The following NTF3 variants were observed in gnomAD, a reference collection of about 807,000 sequenced individuals.
The protein encoded by NTF3 is neurotrophin 3, also known as neurotrophin-3.
A neutral mutation model predicts 26.3 loss-of-function variants in NTF3; 8 were observed. The ratio of observed to expected loss-of-function variants is 0.30; its 90% CI spans 0.18 to 0.55. The LOEUF (loss-of-function observed/expected upper bound fraction) is 0.55. Ranked by LOEUF, NTF3 falls within the 20% of genes least tolerant of loss-of-function variation. The pLI is 0.93. For synonymous variants in NTF3, 154 were observed against 145.5 expected (o/e 1.06, Z -0.42); for missense variants, 276 against 352.9 (o/e 0.78, Z 1.75).
chr12:5,481,073 G>C (rs1591605127), intron 1 of NTF3, among the ~76,000 whole-genome samples: 1 of 152,016 alleles, frequency 6.6e-6, no homozygotes, highest in African/African-American at 2.4e-5. Flanking sequence ...GAGCTGGCTC[G>C]CTGCTCTGTG....
At chr12:5,486,103 T>A (rs1482407162) in intron 1 of NTF3, among the ~76,000 whole-genome samples, 1 of 152,134 alleles carries the variant, frequency 6.6e-6, no homozygotes, top group East Asian at 1.9e-4. Flanking sequence ...GTTGTCTGTG[T>A]GGCAGCAGGG....
chr12:5,432,139 C>G lies in NTF3; in HGVS notation c.-186C>G, dbSNP rs947158182. The G allele has an allele frequency of 2.9e-6, 2 of 695,212 alleles. No homozygotes were observed. The highest frequency in any genetic ancestry group is 1.7e-5 in the African/African-American group (1 of 57,180). The allele number at this position is 695,212 out of a possible 1,614,324, so 43.1% of individuals were successfully genotyped here. A position where few individuals can be genotyped will look rare whatever the true frequency, so the allele number is the denominator to read the frequency against. ...AGTTGAAGCTCCTCTCCCTTCCGAA[C>G]AGCTCCGCGCACCGCCCCGCGACGC... is the stretch of plus-strand genomic sequence containing the variant. On this transcript the variant is annotated 5_prime_UTR_variant, in exon 1 of 2. Coordinates refer to ENST00000423158, the MANE Select transcript of NTF3 (RefSeq NM_001102654.2).
At chr12:5,431,854 C>T (rs1940092066), upstream of NTF3, among the ~76,000 whole-genome samples, 1 of 151,940 alleles carries the variant, frequency 6.6e-6, no homozygotes, top group Non-Finnish European at 1.5e-5. Flanking sequence ...CTGAAGAATA[C>T]TACAGATTTG....
At chr12:5,467,997 C>G (rs558192384) in intron 1 of NTF3, among the ~76,000 whole-genome samples, 1 of 152,154 alleles carries the variant, frequency 6.6e-6, no homozygotes, top group Non-Finnish European at 1.5e-5. Flanking sequence ...CCCTCCACCC[C>G]CCACATTTTC....
At chr12:5,468,926 GC>G (rs1245702044) in intron 1 of NTF3, among the ~76,000 whole-genome samples, 3 of 152,272 alleles carry the variant, frequency 2.0e-5, no homozygotes, top group Admixed American at 2.0e-4. Flanking sequence ...TAAGAGACCA[GC>G]CTGGGCAACA....
intron 1 of NTF3, among the ~76,000 whole-genome samples, chr12:5,439,005 A>T (rs76982730): frequency 0.047 from 7,093 of 152,220 alleles, 176 homozygotes; most frequent in Middle Eastern, 0.065. Flanking sequence ...AGCGTGCAAA[A>T]AATTTGCCAG....
chr12:5,470,934 C>A (rs1161454148), intron 1 of NTF3, among the ~76,000 whole-genome samples: 3 of 152,278 alleles, frequency 2.0e-5, no homozygotes, highest in Non-Finnish European at 4.4e-5. Flanking sequence ...GCCACTGATA[C>A]ACGCAGAAGC....
At chr12:5,468,706 T>G (rs1940623968) in intron 1 of NTF3, among the ~76,000 whole-genome samples, 7 of 152,202 alleles carry the variant, frequency 4.6e-5, no homozygotes, top group Admixed American at 4.6e-4. Context: ...ACGCCAATGC[T>G]GCTCCGCTTA....
At chr12:5,484,596 AC>A (rs1565396319) in intron 1 of NTF3, among the ~76,000 whole-genome samples, 1 of 152,222 alleles carries the variant, frequency 6.6e-6, no homozygotes, top group Non-Finnish European at 1.5e-5. Context: ...AAAAGGGCCA[AC>A]AATCATAAAA....
intron 1 of NTF3, among the ~76,000 whole-genome samples, chr12:5,439,263 C>T (rs1565383398): frequency 1.3e-5 from 2 of 152,190 alleles, no homozygotes; most frequent in Non-Finnish European, 2.9e-5. Context: ...ACAGCTATTA[C>T]ATGGCATTAT....
intron 1 of NTF3, among the ~76,000 whole-genome samples, chr12:5,434,581 T>C (rs914362602): frequency 6.6e-6 from 1 of 151,442 alleles, no homozygotes; most frequent in Non-Finnish European, 1.5e-5. Flanking sequence ...GGGGAGTCTG[T>C]CGGATGGGCA....
chr12:5,480,685 T>G (rs1018719746), intron 1 of NTF3, among the ~76,000 whole-genome samples: 1 of 151,812 alleles, frequency 6.6e-6, no homozygotes, highest in Non-Finnish European at 1.5e-5. Flanking sequence ...AGAGGCAGTG[T>G]GGGGAGACCA....
intron 1 of NTF3, among the ~76,000 whole-genome samples, chr12:5,448,091 G>A (rs1940327782): frequency 6.6e-6 from 1 of 152,142 alleles, no homozygotes; most frequent in Non-Finnish European, 1.5e-5. Context: ...GCACACACTT[G>A]CACCTGTATC....
At chr12:5,444,075 T>A (rs554613196) in intron 1 of NTF3, among the ~76,000 whole-genome samples, 1 of 151,956 alleles carries the variant, frequency 6.6e-6, no homozygotes, top group African/African-American at 2.4e-5. Context: ...TCCCGTTCCC[T>A]CTTCCATGTT....
At chr12:5,459,500 TCTTATAA>T (rs1190174436) in intron 1 of NTF3, among the ~76,000 whole-genome samples, 10 of 152,048 alleles carry the variant, frequency 6.6e-5, no homozygotes, top group Admixed American at 2.6e-4. Flanking sequence ...TTCCCAGGGG[TCTTATAA>T]GCAGATTTCA....
intron 1 of NTF3, among the ~76,000 whole-genome samples, chr12:5,446,846 G>T (rs1485039182): frequency 6.6e-6 from 1 of 152,216 alleles, no homozygotes; most frequent in Admixed American, 6.5e-5. Context: ...CCAGACTGCT[G>T]AGTGACCTAC....
At chr12:5,432,829 G>A (rs1203732493) in intron 1 of NTF3, among the ~76,000 whole-genome samples, 1 of 151,950 alleles carries the variant, frequency 6.6e-6, no homozygotes, top group Non-Finnish European at 1.5e-5. Context: ...AGCTCCTAGC[G>A]CATCCTATAA....
intron 1 of NTF3, among the ~76,000 whole-genome samples, chr12:5,437,184 A>G (rs1940177406): frequency 6.6e-6 from 1 of 152,202 alleles, no homozygotes; most frequent in Non-Finnish European, 1.5e-5. Context: ...AAGTCAGTAC[A>G]TGCTGTCAAC....
intron 1 of NTF3, among the ~76,000 whole-genome samples, chr12:5,435,382 TAGAC>T (rs1351348611): frequency 2.0e-5 from 3 of 152,208 alleles, no homozygotes; most frequent in African/African-American, 7.2e-5. Context: ...TTGCCAGAAA[TAGAC>T]AGAGCTCGAC....
Sources: allele counts gnomAD v4.1 joint callset (sites outside exome capture counted in the v4.1 genomes callset), GRCh38; gene constraint gnomAD v4.1.1; transcripts MANE v1.5; gene names NCBI Gene and HGNC (gene_info 2026-07-23, HGNC 2026-07-21).